COBL: variants seen among roughly 807,000 people sequenced by gnomAD.
COBL encodes the protein cordon-bleu WH2 repeat protein, also known as protein cordon-bleu.
A neutral mutation model predicts 98.8 loss-of-function variants in COBL; 51 were observed. The observed-to-expected ratio is 0.52, with a 90% CI of 0.41 to 0.65. The LOEUF (loss-of-function observed/expected upper bound fraction) is 0.65, where lower values mean the gene tolerates loss of function less well. Ranked by LOEUF, COBL falls within the 30% of genes least tolerant of loss-of-function variation. The pLI, the probability that COBL is intolerant of heterozygous loss-of-function variation, is 0.00. For missense variants in COBL, 1,617 were observed against 1,617.5 expected (o/e 1.00, Z 0.01); for synonymous variants, 634 against 651.7 (o/e 0.97, Z 0.41).
chr7:51,073,048 T>C, intron 7 of COBL: 1 of 272,152 alleles, frequency 3.7e-6, no homozygotes, highest in East Asian at 6.5e-5. Context: ...GAATTAATAA[T>C]GAATTAAAAT....
In COBL at chr7:51,017,622, A is replaced by G. The variant is rs1786400445; in HGVS notation, c.3769-54T>C. 5.7e-6 allele frequency: 9 copies of G among 1,589,302 alleles called. No individual in the cohort carries two copies. The South Asian group carries it at 9.9e-5, about 18-fold the overall frequency. ...TGGTATGTCAATAAGCCCAGGATGC[A>G]GATCTTCTGGTGCTAGAGAGCTCTG... On this transcript the variant is annotated intron_variant, in intron 12 of 12. Coordinates refer to ENST00000265136, the MANE Select transcript of COBL (RefSeq NM_015198.5).
intron 11 of COBL, among the ~76,000 whole-genome samples, chr7:51,025,706 C>T (rs1408907267): frequency 2.6e-5 from 4 of 152,188 alleles, no homozygotes; most frequent in African/African-American, 7.2e-5. Flanking sequence ...TTACAAGCCA[C>T]CCAGTCTGTC....
intron 5 of COBL, among the ~76,000 whole-genome samples, chr7:51,155,730 T>TA (rs1220055393): frequency 6.6e-6 from 1 of 151,758 alleles, no homozygotes; most frequent in African/African-American, 2.4e-5. Flanking sequence ...TAGTGTGTGT[T>TA]AAACAGAGTG....
chr7:51,028,934 T>A lies in COBL; in HGVS notation c.2162A>T (p.Asp721Val), dbSNP rs1440289958. The A allele has an allele frequency of 6.2e-7, 1 of 1,614,068 alleles. No homozygotes were observed. The highest frequency in any genetic ancestry group is 1.7e-5 in the Admixed American group (1 of 60,002). ...IPPKSEMRCY[D>V]RDVSLSTGAI... ...TCCGGTGGAGAGGGACACATCTCTG[T>A]CGTAACATCGCATCTCTGACTTTGG... Residue 721 changes from aspartate (D) to valine (V), a missense_variant, in exon 10 of 13, where the codon GAC becomes GTC. Coordinates refer to ENST00000265136, the MANE Select transcript of COBL (RefSeq NM_015198.5).
chr7:51,297,931 T>C (rs755226839), intron 1 of COBL, among the ~76,000 whole-genome samples: 3 of 152,192 alleles, frequency 2.0e-5, no homozygotes, highest in Admixed American at 6.5e-5. Context: ...TAAGTCAAAG[T>C]ATGACCACAA....
At position 51,085,204 on chromosome 7, in the gene COBL, C is replaced by T. The variant is rs765121031; in HGVS notation, c.1058G>A (p.Arg353His). 2.8e-5 allele frequency: 45 copies of T among 1,613,806 alleles called. No individual in the cohort carries two copies. The highest frequency in any genetic ancestry group is 3.6e-5 in the Non-Finnish European group (43 of 1,179,966). Residue 353 changes from arginine to histidine, a missense_variant, in exon 7 of 13, where the codon CGC (arginine) becomes CAC (histidine). Arg to His is a conservative substitution (Grantham distance 29). Coordinates refer to ENST00000265136, the MANE Select transcript of COBL (RefSeq NM_015198.5). Reference sequence around the variant, plus strand: ...CCTGTTCTCCTCCTTATCCTCAGTGCGGTTGGGGATCAGGGGACTCGGTGG... The same window carrying T: ...CCTGTTCTCCTCCTTATCCTCAGTGTGGTTGGGGATCAGGGGACTCGGTGG... ...PPPPSPLIPNRTEDKEENRKS... is the reference protein window; with the variant it reads ...PPPPSPLIPNHTEDKEENRKS...
At chr7:51,045,876 G>A (rs530679585) in intron 7 of COBL, among the ~76,000 whole-genome samples, 1 of 152,202 alleles carries the variant, frequency 6.6e-6, no homozygotes, top group African/African-American at 2.4e-5. Flanking sequence ...GGAGTGAGAG[G>A]TCACATATTT....
chr7:51,175,951 C>T (rs920357739), intron 5 of COBL, among the ~76,000 whole-genome samples: 2 of 152,192 alleles, frequency 1.3e-5, no homozygotes, highest in African/African-American at 4.8e-5. Flanking sequence ...ACTACCCCCA[C>T]GGGCAGCTTT....
intron 1 of COBL, among the ~76,000 whole-genome samples, chr7:51,227,614 T>C (rs374983787): frequency 6.6e-6 from 1 of 152,284 alleles, no homozygotes; most frequent in South Asian, 2.1e-4. Context: ...GCAGAGACCC[T>C]GCTCTTTTTA....
At chr7:51,177,067 TA>T (rs1181616594) in intron 5 of COBL, among the ~76,000 whole-genome samples, 1 of 152,214 alleles carries the variant, frequency 6.6e-6, no homozygotes, top group Non-Finnish European at 1.5e-5. Flanking sequence ...CTATTTCTGG[TA>T]GGTGTTTAAG....
intron 5 of COBL, among the ~76,000 whole-genome samples, chr7:51,154,661 C>T (rs763720516): frequency 1.3e-5 from 2 of 152,228 alleles, no homozygotes; most frequent in Non-Finnish European, 2.9e-5. Context: ...CACTGGCACA[C>T]ATCCCAATCC....
At chr7:51,272,388 C>T (rs1798841932) in intron 1 of COBL, among the ~76,000 whole-genome samples, 1 of 152,090 alleles carries the variant, frequency 6.6e-6, no homozygotes, top group Admixed American at 6.5e-5. Flanking sequence ...CCAGGCAGTC[C>T]GATTCCAAGA....
rs1803658053 is a variant in COBL, at chr7:51,316,768, A to AGCGGCGGAGCGCG, written c.-148_-136dup. Reference sequence around the variant, plus strand: ...CCTCCCACGCGGGCCGGCGGAGGACAGCGGCGGAGCGCGGCGGACGGAAGG... The same window carrying AGCGGCGGAGCGCG: ...CCTCCCACGCGGGCCGGCGGAGGACAGCGGCGGAGCGCGGCGGCGGAGCGCGGCGGACGGAAGG... On this transcript the variant is annotated 5_prime_UTR_variant, in exon 1 of 13. Transcript: ENST00000265136. The AGCGGCGGAGCGCG allele has an allele frequency of 1.5e-6, 1 of 668,538 alleles. No individual in the cohort carries two copies. The highest frequency in any genetic ancestry group is 4.7e-5 in the Admixed American group (1 of 21,090). The allele number at this position is 668,538 out of a possible 1,614,324, so 41.4% of individuals were successfully genotyped here.
rs147564439 is a variant in COBL at position 51,070,245 on chromosome 7, T to G, written c.1096+14921A>C. ...TATACAGATAACTCCTGAGCCTCAT[T>G]TTATTTAATACTTGAACCTCTGTCT... is the stretch of plus-strand genomic sequence containing the variant. On this transcript the variant is annotated intron_variant, in intron 7 of 12. Coordinates refer to ENST00000265136, the MANE Select transcript of COBL (RefSeq NM_015198.5). 7.2e-5 allele frequency among the ~76,000 whole-genome samples: 11 copies of G among 152,282 alleles called. No individual in the cohort carries two copies. The East Asian group carries it at 1.5e-3, about 21-fold the overall frequency.
At chr7:51,018,956 T>A (rs1297911763) in intron 12 of COBL, among the ~76,000 whole-genome samples, 1 of 121,234 alleles carries the variant, frequency 8.2e-6, no homozygotes, top group African/African-American at 2.9e-5. Flanking sequence ...ATATATATGA[T>A]TTTTTTTGCA....
chr7:51,174,235 C>T (rs775569527), intron 5 of COBL, among the ~76,000 whole-genome samples: 2 of 152,126 alleles, frequency 1.3e-5, no homozygotes, highest in Non-Finnish European at 2.9e-5. Flanking sequence ...GCACTATGCT[C>T]GGCTTGGAGC....
chr7:51,097,848 C>G (rs1391889022), intron 6 of COBL, among the ~76,000 whole-genome samples: 2 of 151,760 alleles, frequency 1.3e-5, no homozygotes, highest in African/African-American at 2.4e-5. Context: ...ACAGTGAAAC[C>G]CTGTCTCTAC....
intron 1 of COBL, among the ~76,000 whole-genome samples, chr7:51,287,165 T>A (rs1800446204): frequency 6.7e-6 from 1 of 149,866 alleles, no homozygotes; most frequent in South Asian, 2.1e-4. Flanking sequence ...GATAATAGGA[T>A]CAGCCATTCC....
rs368198018 is a variant in COBL, at chr7:51,185,202, G to A, written c.686-1003C>T. Among the ~76,000 whole-genome samples, 10 of 152,322 alleles carry A rather than the reference G, an allele frequency of 6.6e-5. No homozygotes were observed. In the East Asian group the frequency reaches 1.2e-3, roughly 18 times the overall value. On this transcript the variant is annotated intron_variant, in intron 4 of 12. Transcript: ENST00000265136. ...CCATGGGATGTGGTTCCCAAAGCGA[G>A]ATGGAACCTGCAGCATCAGCATCGC...
Sources: allele counts gnomAD v4.1 joint callset (sites outside exome capture counted in the v4.1 genomes callset), GRCh38; gene constraint gnomAD v4.1.1; transcripts MANE v1.5; gene names NCBI Gene and HGNC (gene_info 2026-07-23, HGNC 2026-07-21).